RUSC2: variants seen among roughly 807,000 people sequenced by gnomAD.
RUSC2 encodes the protein RUN and SH3 domain containing 2.
RUSC2 carries 34 observed loss-of-function variants against 122.2 expected under a neutral mutation model. The observed-to-expected ratio is 0.28, with a 90% CI of 0.21 to 0.37. RUSC2 has a LOEUF of 0.37. RUSC2 is among the 10% of genes least tolerant of loss of function. The probability of loss-of-function intolerance (pLI) is 1.00; values close to 1 mark genes in which losing one functional copy is unlikely to be tolerated. For synonymous variants in RUSC2, 784 were observed against 790.0 expected (o/e 0.99, Z 0.13); for missense variants, 1,747 against 1,952.4 (o/e 0.89, Z 1.98).
In RUSC2 at chr9:35,492,047, T is replaced by C. The variant is rs1048047890; in HGVS notation, c.-93+1875T>C. The stretch of plus-strand genomic sequence containing the variant: ...TCTGGATGGATTAAGCAATACAATT[T>C]TTTTTTAACAGTATCTTTTTAATGG... On this transcript the variant is annotated intron_variant, in intron 1 of 11. Coordinates refer to ENST00000361226, the MANE Select transcript of RUSC2 (RefSeq NM_014806.5). Among the ~76,000 whole-genome samples, 102 of 152,274 alleles carry C rather than the reference T, an allele frequency of 6.7e-4. 2 individuals are homozygous for C. The Middle Eastern group carries it at 0.02, about 30-fold the overall frequency.
At chr9:35,523,979 C>A (rs1173018878) in intron 1 of RUSC2, among the ~76,000 whole-genome samples, 1 of 151,984 alleles carries the variant, frequency 6.6e-6, no homozygotes, top group African/African-American at 2.4e-5. Flanking sequence ...AAAGGGAAAT[C>A]TTTATTATGT....
At chr9:35,514,666 A>T (rs1821070348) in intron 1 of RUSC2, among the ~76,000 whole-genome samples, 1 of 152,202 alleles carries the variant, frequency 6.6e-6, no homozygotes, top group African/African-American at 2.4e-5. Context: ...CTGGTGACTT[A>T]AATAAGATGG....
chr9:35,495,113 CAT>C (rs1820668787), intron 1 of RUSC2, among the ~76,000 whole-genome samples: 1 of 504 alleles, frequency 2.0e-3, no homozygotes, highest in African/African-American at 4.9e-3. Flanking sequence ...ATATATTATA[CAT>C]TATATACACT....
chr9:35,505,864 A>G (rs991251583), intron 1 of RUSC2, among the ~76,000 whole-genome samples: 1 of 152,196 alleles, frequency 6.6e-6, no homozygotes, highest in Admixed American at 6.5e-5. Context: ...GGGCATCTAC[A>G]AAAAACCCAC....
chr9:35,538,330 C>T (rs1304238210), intron 1 of RUSC2, among the ~76,000 whole-genome samples: 1 of 152,144 alleles, frequency 6.6e-6, no homozygotes, highest in East Asian at 1.9e-4. Flanking sequence ...GCCTGTCTAC[C>T]GCCCCGTCTC....
chr9:35,527,373 C>T (rs1262865011), intron 1 of RUSC2, among the ~76,000 whole-genome samples: 1 of 152,046 alleles, frequency 6.6e-6, no homozygotes, highest in Non-Finnish European at 1.5e-5. Context: ...CTATGGTGCC[C>T]AGGCTCTTAC....
intron 1 of RUSC2, among the ~76,000 whole-genome samples, chr9:35,494,798 A>G (rs1282943892): frequency 6.7e-6 from 1 of 150,068 alleles, no homozygotes; most frequent in Non-Finnish European, 1.5e-5. Flanking sequence ...TTTGAAATCT[A>G]ATTTATCTAA....
At chr9:35,505,084 C>T (rs1406130002) in intron 1 of RUSC2, among the ~76,000 whole-genome samples, 4 of 152,054 alleles carry the variant, frequency 2.6e-5, no homozygotes, top group African/African-American at 9.7e-5. Context: ...TTTTTTAAAT[C>T]TTAGTCTTTA....
At chr9:35,492,862 C>G (rs1348552355) in intron 1 of RUSC2, among the ~76,000 whole-genome samples, 1 of 152,172 alleles carries the variant, frequency 6.6e-6, no homozygotes, top group Non-Finnish European at 1.5e-5. Context: ...CAGGCAACCA[C>G]CATTCTACTT....
rs1426854478 is a variant in RUSC2 at position 35,529,956 on chromosome 9, TTTTG to T, written c.-92-16466_-92-16463del. On this transcript the variant is annotated intron_variant, in intron 1 of 11. Transcript: ENST00000361226. Reference sequence around the variant, plus strand: ...CTTGCCATCCATTCAGTAGCTTTGTTTTTGTTTGTTTTTGAGACTGGGCCTTGTT... The same window carrying T: ...CTTGCCATCCATTCAGTAGCTTTGTTTTTGTTTTTGAGACTGGGCCTTGTT... Among the ~76,000 whole-genome samples, 6 of 152,112 alleles carry T rather than the reference TTTTG, an allele frequency of 3.9e-5. No homozygotes were observed. In the East Asian group the frequency reaches 1.2e-3, roughly 29 times the overall value.
chr9:35,523,370 C>T (rs372680748), intron 1 of RUSC2, among the ~76,000 whole-genome samples: 41 of 152,220 alleles, frequency 2.7e-4, no homozygotes, highest in African/African-American at 9.4e-4. Context: ...ACCTTGATTA[C>T]GTAAGATGGT....
At chr9:35,495,384 T>G (rs1157175730) in intron 1 of RUSC2, among the ~76,000 whole-genome samples, 2 of 149,248 alleles carry the variant, frequency 1.3e-5, no homozygotes, top group Non-Finnish European at 3.0e-5. Flanking sequence ...TTCATTTGCT[T>G]GTGGATATCC....
At chr9:35,517,704 T>C (rs1415675212) in intron 1 of RUSC2, among the ~76,000 whole-genome samples, 2 of 152,296 alleles carry the variant, frequency 1.3e-5, no homozygotes, top group South Asian at 2.1e-4. Flanking sequence ...GGGCACTGCA[T>C]CTCTGGGCAC....
chr9:35,551,533 C>G (rs1034152639), intron 2 of RUSC2, among the ~76,000 whole-genome samples: 5 of 152,126 alleles, frequency 3.3e-5, no homozygotes, highest in African/African-American at 1.2e-4. Context: ...CTGCTGGGTG[C>G]ATCTCGTGGG....
In RUSC2 at chr9:35,555,309, C is replaced by T; in HGVS notation, c.2264C>T (p.Pro755Leu). Residue 755 changes from proline (P) to leucine (L), a missense_variant, in exon 3 of 12, where the codon CCC becomes CTC. Pro to Leu is a moderately conservative substitution (Grantham distance 98). Transcript: ENST00000361226. This position sits in a 1 kb window ranked among gnomAD's most constrained non-coding sequence, Gnocchi z 4.6. ...APSGEPQAST[P>L]RATGRGARKA... ...TCAGGGGAACCGCAGGCATCCACTC[C>T]CCGAGCCACTGGCAGAGGTGCCAGG... is the stretch of plus-strand genomic sequence containing the variant. 1 of 1,614,104 alleles carries T rather than the reference C, an allele frequency of 6.2e-7. No individual in the cohort carries two copies. The highest frequency in any genetic ancestry group is 1.1e-5 in the South Asian group (1 of 91,088).
At chr9:35,514,746 A>G (rs1387129437) in intron 1 of RUSC2, among the ~76,000 whole-genome samples, 1 of 152,140 alleles carries the variant, frequency 6.6e-6, no homozygotes, top group East Asian at 1.9e-4. Context: ...GCAGCTCCAC[A>G]GTCATTAGAG....
intron 1 of RUSC2, among the ~76,000 whole-genome samples, chr9:35,523,676 A>G (rs1043863257): frequency 3.3e-5 from 5 of 151,852 alleles, no homozygotes; most frequent in African/African-American, 1.2e-4. Flanking sequence ...TTAGCCAGGC[A>G]TGGTGGTGCA....
chr9:35,559,983 G>A, intron 9 of RUSC2, 46 bp from the exon 10 acceptor site: 1 of 1,498,448 alleles, frequency 6.7e-7, no homozygotes. Context: ...ACTTGGGCCA[G>A]GCTCTGGTTC....
intron 1 of RUSC2, among the ~76,000 whole-genome samples, chr9:35,535,780 T>G (rs936749504): frequency 6.6e-6 from 1 of 152,074 alleles, no homozygotes; most frequent in Admixed American, 6.6e-5. Context: ...GACCTCGTGA[T>G]CTGCCCGCCT....
Sources: gnomAD v4.1 joint callset for allele counts (sites outside exome capture counted in the v4.1 genomes callset) on GRCh38, gnomAD v4.1.1 for gene constraint, Gnocchi (gnomAD v3.1) non-coding constraint, MANE v1.5 for transcripts, NCBI Gene and HGNC (gene_info 2026-07-23, HGNC 2026-07-21) for gene names.